AGBL1: variants seen among roughly 807,000 people sequenced by gnomAD.
AGBL1 encodes the protein cytosolic carboxypeptidase 4.
In AGBL1, 130 loss-of-function variants were observed where a neutral mutation model predicts 118.9. That is an observed-to-expected ratio of 1.09 (90% CI 0.95 to 1.26). The LOEUF (loss-of-function observed/expected upper bound fraction) is 1.26, where lower values mean the gene tolerates loss of function less well. Ranked by LOEUF, AGBL1 falls within the 50% of genes most tolerant of loss-of-function variation. AGBL1 has a pLI of 0.00. For missense variants in AGBL1, 1,584 were observed against 1,298.1 expected (o/e 1.22, Z -3.38); for synonymous variants, 555 against 478.9 (o/e 1.16, Z -2.08).
At chr15:86,376,143 A>G (rs961899563) in intron 17 of AGBL1, among the ~76,000 whole-genome samples, 3 of 152,230 alleles carry the variant, frequency 2.0e-5, no homozygotes, top group African/African-American at 7.2e-5. Flanking sequence ...GACAAGTTAG[A>G]GACTCAATGG....
intron 24 of AGBL1, among the ~76,000 whole-genome samples, chr15:86,991,292 C>T (rs1054560979): frequency 1.3e-5 from 2 of 151,986 alleles, no homozygotes; most frequent in African/African-American, 4.8e-5. Flanking sequence ...GCACAGAACA[C>T]CAACTTATTT....
chr15:86,568,745 C>T (rs1001029793), intron 21 of AGBL1, among the ~76,000 whole-genome samples: 7 of 152,230 alleles, frequency 4.6e-5, no homozygotes, highest in African/African-American at 1.7e-4. Context: ...CCAGGTGATC[C>T]ATTTTTCCCA....
intron 18 of AGBL1, among the ~76,000 whole-genome samples, chr15:86,421,866 A>C (rs2081795568): frequency 6.6e-6 from 1 of 152,212 alleles, no homozygotes; most frequent in Non-Finnish European, 1.5e-5. Flanking sequence ...GGCCTTACAT[A>C]ATGGGAAAGG....
chr15:86,436,141 A>G (rs1245942856), intron 18 of AGBL1, among the ~76,000 whole-genome samples: 1 of 129,404 alleles, frequency 7.7e-6, no homozygotes, highest in African/African-American at 3.0e-5. Context: ...CTCAATTCTA[A>G]GCCTTGCATG....
At chr15:86,825,891 A>G (rs774804186) in intron 22 of AGBL1, among the ~76,000 whole-genome samples, 4 of 6,230 alleles carry the variant, frequency 6.4e-4, no homozygotes, top group South Asian at 0.013. Context: ...ATGGATGGAT[A>G]GATAGATAGA....
chr15:86,420,460 A>G (rs2081771969), intron 18 of AGBL1, among the ~76,000 whole-genome samples: 4 of 152,190 alleles, frequency 2.6e-5, no homozygotes, highest in Admixed American at 2.0e-4. Context: ...ACCCCATCTG[A>G]AGGTCACCAA....
intron 23 of AGBL1, among the ~76,000 whole-genome samples, chr15:86,972,614 C>G (rs944340214): frequency 2.6e-5 from 4 of 152,104 alleles, no homozygotes; most frequent in African/African-American, 9.6e-5. Context: ...TGGCCAGATA[C>G]CATTAAATGT....
intron 22 of AGBL1, among the ~76,000 whole-genome samples, chr15:86,764,410 A>G (rs2078067894): frequency 1.3e-5 from 2 of 151,660 alleles, no homozygotes; most frequent in South Asian, 4.2e-4. Flanking sequence ...TGATAGGGGT[A>G]TTGGCCAAAG....
At chr15:86,931,531 G>T (rs910114669) in intron 23 of AGBL1, among the ~76,000 whole-genome samples, 1 of 151,688 alleles carries the variant, frequency 6.6e-6, no homozygotes, top group Non-Finnish European at 1.5e-5. Context: ...TTATTTCACT[G>T]AAAAATTACA....
chr15:86,675,712 C>G (rs745486388), intron 22 of AGBL1, among the ~76,000 whole-genome samples: 1 of 152,082 alleles, frequency 6.6e-6, no homozygotes, highest in Non-Finnish European at 1.5e-5. Flanking sequence ...TTCAACTTGT[C>G]TTTTCATCTT....
chr15:86,665,301 A>G (rs2085624373), intron 21 of AGBL1, among the ~76,000 whole-genome samples: 1 of 151,942 alleles, frequency 6.6e-6, no homozygotes, highest in Admixed American at 6.6e-5. Flanking sequence ...CCAAGAGTTT[A>G]ATTAAACACT....
rs1385530351 is a variant in AGBL1, at chr15:86,731,923, ATCT to A, written c.3158+57495_3158+57497del. ...ATAAAAACTCAGTTCTTTAAGGACC[ATCT>A]TCTTCTTTCTGCATTTACTCACGTG... is the stretch of plus-strand genomic sequence containing the variant. On this transcript the variant is annotated intron_variant, in intron 22 of 22. Transcript: ENST00000614907. Among the ~76,000 whole-genome samples the A allele has an allele frequency of 5.3e-5, 8 of 152,322 alleles. No homozygotes were observed. In the South Asian group the frequency reaches 8.3e-4, roughly 16 times the overall value.
At chr15:86,532,257 CAA>C (rs1444308413) in intron 19 of AGBL1, among the ~76,000 whole-genome samples, 9 of 151,778 alleles carry the variant, frequency 5.9e-5, no homozygotes, top group African/African-American at 1.9e-4. Context: ...GCAACTTCAG[CAA>C]AGTCTCAGGA....
chr15:86,177,968 C>T (rs534799685), intron 5 of AGBL1, among the ~76,000 whole-genome samples: 1 of 151,926 alleles, frequency 6.6e-6, no homozygotes, highest in Non-Finnish European at 1.5e-5. Flanking sequence ...AATAGAAAAA[C>T]AATAAGCAAT....
chr15:86,538,828 C>A (rs570635162), intron 19 of AGBL1, among the ~76,000 whole-genome samples: 1 of 152,120 alleles, frequency 6.6e-6, no homozygotes, highest in Non-Finnish European at 1.5e-5. Flanking sequence ...AAAAGGGGAA[C>A]GGCTAAGGGA....
intron 1 of AGBL1, among the ~76,000 whole-genome samples, chr15:86,106,746 A>G (rs1441397656): frequency 6.6e-6 from 1 of 152,250 alleles, no homozygotes; most frequent in African/African-American, 2.4e-5. Flanking sequence ...ACCAGATAGC[A>G]CAGTATAATT....
At chr15:86,966,857 G>A (rs558518564) in intron 23 of AGBL1, among the ~76,000 whole-genome samples, 230 of 152,026 alleles carry the variant, frequency 1.5e-3, no homozygotes, top group Non-Finnish European at 3.0e-3. Context: ...GGGATTGCTG[G>A]GCCAAATGGT....
At chr15:86,669,958 G>T (rs867961937) in intron 21 of AGBL1, among the ~76,000 whole-genome samples, 1 of 152,018 alleles carries the variant, frequency 6.6e-6, no homozygotes, top group Middle Eastern at 3.4e-3. Flanking sequence ...TAAATCATGC[G>T]CATTTTTCAT....
At chr15:86,315,665 C>G (rs1290191941) in intron 17 of AGBL1, among the ~76,000 whole-genome samples, 1 of 147,788 alleles carries the variant, frequency 6.8e-6, no homozygotes, top group East Asian at 2.0e-4. Flanking sequence ...TTGCAGTGAG[C>G]TGAGATCACA....
Sources: allele counts gnomAD v4.1 joint callset (sites outside exome capture counted in the v4.1 genomes callset), GRCh38; gene constraint gnomAD v4.1.1; transcripts MANE v1.5; gene names NCBI Gene and HGNC (gene_info 2026-07-23, HGNC 2026-07-21).